The following CRACR2A variants were observed in gnomAD, a reference collection of about 807,000 sequenced individuals.
CRACR2A encodes the protein calcium release activated channel regulator 2A.
CRACR2A carries 79 observed loss-of-function variants against 90.5 expected under a neutral mutation model. That is an observed-to-expected ratio of 0.87 (90% CI 0.73 to 1.05). The LOEUF is 1.05. Among genes scored for constraint, CRACR2A ranks in the 50% least tolerant of loss-of-function variants. The pLI is 0.00. For synonymous variants in CRACR2A, 338 were observed against 356.7 expected (o/e 0.95, Z 0.59); for missense variants, 823 against 897.2 (o/e 0.92, Z 1.06).
chr12:3,679,468 T>C (rs956186639), intron 5 of CRACR2A, among the ~76,000 whole-genome samples: 3 of 152,200 alleles, frequency 2.0e-5, no homozygotes, highest in African/African-American at 7.2e-5. Flanking sequence ...CAGAGGCTCC[T>C]ATTGTCATCC....
At chr12:3,724,360 C>T (rs1423634617) in intron 2 of CRACR2A, among the ~76,000 whole-genome samples, 1 of 152,220 alleles carries the variant, frequency 6.6e-6, no homozygotes, top group Non-Finnish European at 1.5e-5. Flanking sequence ...GAGGACTCTG[C>T]TTTCATGGGC....
chr12:3,749,723 C>T (rs537014407), intron 1 of CRACR2A, among the ~76,000 whole-genome samples: 1 of 151,532 alleles, frequency 6.6e-6, no homozygotes, highest in Non-Finnish European at 1.5e-5. Context: ...TTTGAAAAGG[C>T]AAAGAAATGA....
At chr12:3,728,075 A>G in intron 2 of CRACR2A, 1 of 152,158 alleles carries the variant, frequency 6.6e-6, no homozygotes, top group East Asian at 1.9e-4. Flanking sequence ...AGCAGCACAC[A>G]TACCTGTCTG....
intron 15 of CRACR2A, among the ~76,000 whole-genome samples, chr12:3,632,688 A>G (rs1324948349): frequency 3.9e-5 from 6 of 152,182 alleles, no homozygotes; most frequent in African/African-American, 1.4e-4. Flanking sequence ...ACCTCTCTGG[A>G]CCTCAGTTTC....
intron 2 of CRACR2A, among the ~76,000 whole-genome samples, chr12:3,721,887 C>T (rs116252023): frequency 0.01 from 1,591 of 152,142 alleles, 23 homozygotes; most frequent in African/African-American, 0.036. Flanking sequence ...ACGTCCAGCA[C>T]GTGTTTGGAA....
chr12:3,619,827 C>G (rs1326836217), intron 17 of CRACR2A, among the ~76,000 whole-genome samples: 1 of 152,210 alleles, frequency 6.6e-6, no homozygotes, highest in Non-Finnish European at 1.5e-5. Flanking sequence ...CTGGAGGCTG[C>G]TTTGATTAGA....
intron 7 of CRACR2A, among the ~76,000 whole-genome samples, chr12:3,664,048 A>C (rs1274581302): frequency 1.3e-5 from 2 of 152,224 alleles, no homozygotes; most frequent in African/African-American, 4.8e-5. Flanking sequence ...TGTTTCAATG[A>C]CCTTCCAAGT....
intron 11 of CRACR2A, among the ~76,000 whole-genome samples, chr12:3,647,138 G>A (rs2137417907): frequency 6.6e-6 from 1 of 152,100 alleles, no homozygotes; most frequent in Middle Eastern, 3.4e-3. Flanking sequence ...CACCCCAGCT[G>A]TTGTCCTGAT....
At chr12:3,695,702 C>T (rs1306277964) in intron 4 of CRACR2A, among the ~76,000 whole-genome samples, 1 of 152,230 alleles carries the variant, frequency 6.6e-6, no homozygotes, top group East Asian at 1.9e-4. Context: ...AGCCATTGTG[C>T]TTCCTCCAAC....
chr12:3,745,825 T>TAAAATAAAATAAAGAAAG (rs149739964), intron 1 of CRACR2A, among the ~76,000 whole-genome samples: 1 of 100,486 alleles, frequency 1.0e-5, no homozygotes, highest in Non-Finnish European at 2.0e-5. Context: ...TAAAATAAAA[T>TAAAATAAAATAAAGAAAG]AAAGAAAGAA....
At chr12:3,666,616 C>A (rs1376176862) in intron 7 of CRACR2A, among the ~76,000 whole-genome samples, 1 of 152,196 alleles carries the variant, frequency 6.6e-6, no homozygotes, top group Non-Finnish European at 1.5e-5. Flanking sequence ...ATTAATTAAC[C>A]TTCACAAAGT....
intron 2 of CRACR2A, among the ~76,000 whole-genome samples, chr12:3,725,585 C>T (rs1342738616): frequency 2.0e-5 from 3 of 152,154 alleles, no homozygotes; most frequent in Non-Finnish European, 4.4e-5. Flanking sequence ...AGGTCATATT[C>T]ACCAGTTCTG....
rs1487981444 is a variant in CRACR2A, at chr12:3,638,092, T to A, written c.1602+32A>T. 4.0e-6 allele frequency: 6 copies of A among 1,506,066 alleles called. No individual in the cohort carries two copies. The Admixed American group carries it at 1.3e-4, about 32-fold the overall frequency. 93.3% of individuals were successfully genotyped at this position (1,506,066 alleles called of 1,614,324 possible). On this transcript the variant is annotated intron_variant, in intron 14 of 19. Coordinates refer to ENST00000440314, the MANE Select transcript of CRACR2A (RefSeq NM_001144958.2). The stretch of plus-strand genomic sequence containing the variant: ...TGCAAGAGACAGATCATAGAAGTGA[T>A]GTGCATGAACCAAGGTAGGCTGTGC...
chr12:3,680,098 AC>A, intron 5 of CRACR2A, 139 bp downstream of exon 5: 1 of 625,936 alleles, frequency 1.6e-6, no homozygotes, highest in Non-Finnish European at 2.8e-6. Context: ...GAGCCTGGAG[AC>A]CTTGAGCTCC....
intron 6 of CRACR2A, among the ~76,000 whole-genome samples, chr12:3,677,795 T>C (rs1945362441): frequency 6.6e-6 from 1 of 152,220 alleles, no homozygotes. Flanking sequence ...CTGCTGGTCT[T>C]GAGTTCCACT....
chr12:3,669,064 G>A (rs753050258), intron 7 of CRACR2A, among the ~76,000 whole-genome samples: 92 of 152,210 alleles, frequency 6.0e-4, no homozygotes, highest in Non-Finnish European at 1.1e-3. Flanking sequence ...CACAGCCTAG[G>A]GCTGGCCTTT....
intron 7 of CRACR2A, among the ~76,000 whole-genome samples, chr12:3,661,683 G>A (rs1945041709): frequency 6.6e-6 from 1 of 152,208 alleles, no homozygotes; most frequent in South Asian, 2.1e-4. Context: ...CAGAAAGCAA[G>A]ATGTTTTCTC....
chr12:3,731,744 G>C (rs1025145575), intron 2 of CRACR2A: 1 of 152,260 alleles, frequency 6.6e-6, no homozygotes, highest in African/African-American at 2.4e-5. Context: ...GAGTAGGGCG[G>C]TTCCTAATAT....
At chr12:3,673,311 GC>G in intron 7 of CRACR2A, 134 bp downstream of exon 7, 1 of 1,041,476 alleles carries the variant, frequency 9.6e-7, no homozygotes, top group Non-Finnish European at 1.4e-6. Context: ...CAGACACAGG[GC>G]CTGGTCCCCA....
Sources: allele counts gnomAD v4.1 joint callset (sites outside exome capture counted in the v4.1 genomes callset), GRCh38; gene constraint gnomAD v4.1.1; transcripts MANE v1.5; gene names NCBI Gene and HGNC (gene_info 2026-07-23, HGNC 2026-07-21).